Variants in CALN1 observed in about 807,000 individuals in gnomAD.
CALN1 encodes the protein calneuron 1, also known as calcium-binding protein 8.
Under a neutral mutation model 30.6 loss-of-function variants are expected in CALN1, and 17 were observed. The observed-to-expected ratio is 0.56, with a 90% CI of 0.38 to 0.83. The LOEUF (loss-of-function observed/expected upper bound fraction) is 0.83, where lower values mean the gene tolerates loss of function less well. Among genes scored for constraint, CALN1 ranks in the 40% least tolerant of loss-of-function variants. The probability of loss-of-function intolerance (pLI) is 0.00; values close to 1 mark genes in which losing one functional copy is unlikely to be tolerated. For synonymous variants in CALN1, 156 were observed against 131.4 expected (o/e 1.19, Z -1.28); for missense variants, 291 against 354.9 (o/e 0.82, Z 1.45).
At chr7:72,109,881 A>ATGGGTT (rs1807439702) in intron 3 of CALN1, among the ~76,000 whole-genome samples, 1 of 122,128 alleles carries the variant, frequency 8.2e-6, no homozygotes, top group South Asian at 3.6e-4. Flanking sequence ...CATCTGAAAA[A>ATGGGTT]ATGGGTTAGG....
intron 4 of CALN1, among the ~76,000 whole-genome samples, chr7:72,064,508 T>G (rs1362529577): frequency 6.6e-6 from 1 of 152,082 alleles, no homozygotes; most frequent in Admixed American, 6.5e-5. Context: ...CTGATCCAGT[T>G]AGGTGGGGAA....
chr7:71,785,138 C>T lies in CALN1; in HGVS notation c.*2637G>A, dbSNP rs1792919184. On this transcript the variant is annotated 3_prime_UTR_variant, in exon 7 of 7. Coordinates refer to ENST00000395275, the MANE Select transcript of CALN1 (RefSeq NM_031468.4). ...GGGTTACCACAGTGGGAAGATAACT[C>T]CTAGGCTGTCAGAAAGAATTCTGTG... The T allele has an allele frequency of 5.7e-6, 2 of 353,342 alleles. No homozygotes were observed. The highest frequency in any genetic ancestry group is 4.2e-5 in the East Asian group (1 of 23,954). 21.9% of individuals were successfully genotyped at this position (353,342 alleles called of 1,614,324 possible).
chr7:71,803,571 TTCAAG>T (rs1467561772), intron 6 of CALN1, among the ~76,000 whole-genome samples: 2 of 151,928 alleles, frequency 1.3e-5, no homozygotes, highest in Admixed American at 1.3e-4. Context: ...GCCTCCCGGG[TTCAAG>T]TGATTCTCCT....
At chr7:72,003,521 A>T (rs920161392) in intron 5 of CALN1, among the ~76,000 whole-genome samples, 2 of 152,204 alleles carry the variant, frequency 1.3e-5, no homozygotes, top group African/African-American at 4.8e-5. Context: ...CATCGCTCGC[A>T]TTACCACCTG....
chr7:71,959,200 G>T (rs1224661210), intron 5 of CALN1, among the ~76,000 whole-genome samples: 1 of 152,182 alleles, frequency 6.6e-6, no homozygotes, highest in Non-Finnish European at 1.5e-5. Flanking sequence ...AGGTCTCATG[G>T]TTCAGGAGGA....
At chr7:72,454,266 A>G in the CALN1 span, among the ~76,000 whole-genome samples, 2 of 152,200 alleles carry the variant, frequency 1.3e-5, no homozygotes, top group Non-Finnish European at 2.9e-5. Context: ...AAGCTGCCCT[A>G]GGCTAGGAGG....
chr7:72,016,230 C>T (rs571345461), intron 5 of CALN1, among the ~76,000 whole-genome samples: 92 of 127,062 alleles, frequency 7.2e-4, no homozygotes, highest in African/African-American at 2.6e-3. Context: ...GCCTGGGCAA[C>T]GGAGTGAGAC....
At chr7:72,010,192 G>A (rs1434791449) in intron 5 of CALN1, among the ~76,000 whole-genome samples, 12 of 152,026 alleles carry the variant, frequency 7.9e-5, no homozygotes, top group Admixed American at 2.6e-4. Context: ...ATTAGGAAGC[G>A]GGCCCTTTGA....
intron 3 of CALN1, among the ~76,000 whole-genome samples, chr7:72,175,131 T>C (rs1789254557): frequency 6.6e-6 from 1 of 151,854 alleles, no homozygotes. Context: ...TGGAGTGCAG[T>C]GGCGCAATCT....
In CALN1 at chr7:71,966,175, A is replaced by G. The variant is rs570578643; in HGVS notation, c.501+57482T>C. ...TTCTATCCCAACAATTCAACTCTAC[A>G]GTCAACTCTGTCACCATAAAGCAAG... On this transcript the variant is annotated intron_variant, in intron 5 of 6. Transcript: ENST00000395275. Among the ~76,000 whole-genome samples, 65 of 152,342 alleles carry G rather than the reference A, an allele frequency of 4.3e-4. 2 individuals are homozygous for G. The highest frequency in any genetic ancestry group is 1.3e-4 in the Non-Finnish European group (9 of 68,030).
chr7:72,263,773 C>CA (rs1197970494), intron 3 of CALN1, among the ~76,000 whole-genome samples: 1 of 152,140 alleles, frequency 6.6e-6, no homozygotes, highest in Non-Finnish European at 1.5e-5. Flanking sequence ...TTCATTTATT[C>CA]AACAAGTATT....
intron 4 of CALN1, among the ~76,000 whole-genome samples, chr7:72,066,586 G>C (rs966802172): frequency 6.6e-6 from 1 of 151,336 alleles, no homozygotes; most frequent in African/African-American, 2.4e-5. Context: ...TACCTGCTTC[G>C]ATCTGCCTTT....
At chr7:72,106,705 G>GAA in intron 3 of CALN1, among the ~76,000 whole-genome samples, 10 of 30,008 alleles carry the variant, frequency 3.3e-4, no homozygotes, top group African/African-American at 1.6e-3. Flanking sequence ...AGGGAGGAAG[G>GAA]GAGGGAGGGA....
At chr7:72,112,231 C>G (rs1807630915) in intron 3 of CALN1, among the ~76,000 whole-genome samples, 1 of 152,152 alleles carries the variant, frequency 6.6e-6, no homozygotes, top group African/African-American at 2.4e-5. Context: ...CACCAGCCAG[C>G]ATCGATATTA....
At chr7:71,907,801 G>C (rs1026866934) in intron 5 of CALN1, among the ~76,000 whole-genome samples, 2 of 152,200 alleles carry the variant, frequency 1.3e-5, no homozygotes, top group African/African-American at 2.4e-5. Context: ...GCTGGTATTT[G>C]TAATGTGCAG....
At chr7:72,089,061 G>A (rs1391311732) in intron 4 of CALN1, among the ~76,000 whole-genome samples, 1 of 151,948 alleles carries the variant, frequency 6.6e-6, no homozygotes, top group Non-Finnish European at 1.5e-5. Context: ...GACAAGATAA[G>A]TGTTTCTAAT....
chr7:72,320,056 G>A (rs796889495), intron 2 of CALN1, among the ~76,000 whole-genome samples: 15 of 152,268 alleles, frequency 9.9e-5, no homozygotes, highest in African/African-American at 3.4e-4. Context: ...AGGAGGCAGA[G>A]GCTGCAGTGA....
chr7:72,091,652 AC>A (rs1398006417), intron 4 of CALN1, among the ~76,000 whole-genome samples: 2 of 152,178 alleles, frequency 1.3e-5, no homozygotes, highest in Non-Finnish European at 2.9e-5. Context: ...AGGGTTGCAA[AC>A]TCTAAAGCCT....
upstream of CALN1, among the ~76,000 whole-genome samples, chr7:72,451,690 C>A (rs1236113531): frequency 6.6e-6 from 1 of 152,196 alleles, no homozygotes. Flanking sequence ...AGATGATCTG[C>A]CCCATCCCCG....
Sources: gnomAD v4.1 joint callset for allele counts (sites outside exome capture counted in the v4.1 genomes callset) on GRCh38, gnomAD v4.1.1 for gene constraint, MANE v1.5 for transcripts, NCBI Gene and HGNC (gene_info 2026-07-23, HGNC 2026-07-21) for gene names.